DENND2B: variants seen among roughly 807,000 people sequenced by gnomAD.
DENND2B encodes DENN domain-containing protein 2B.
In DENND2B, 32 loss-of-function variants were observed where a neutral mutation model predicts 116.0. The ratio of observed to expected loss-of-function variants is 0.28; its 90% CI spans 0.21 to 0.37. The LOEUF (loss-of-function observed/expected upper bound fraction) is 0.37, where lower values mean the gene tolerates loss of function less well. Ranked by LOEUF, DENND2B falls within the 10% of genes least tolerant of loss-of-function variation. The pLI is 1.00. For synonymous variants in DENND2B, 588 were observed against 583.9 expected (o/e 1.01, Z -0.10); for missense variants, 1,276 against 1,477.7 (o/e 0.86, Z 2.24).
upstream of DENND2B, chr11:8,811,246 C>T (rs982054062): frequency 5.0e-6 from 2 of 398,526 alleles, no homozygotes; most frequent in Non-Finnish European, 8.8e-6. Context: ...TCTCTGCTTA[C>T]CTTGCTGCCT....
chr11:8,729,142 G>T (rs1346758329), intron 3 of DENND2B, among the ~76,000 whole-genome samples: 3 of 152,186 alleles, frequency 2.0e-5, no homozygotes, highest in African/African-American at 7.2e-5. Flanking sequence ...AAACAAACCT[G>T]AATACCCATC....
At chr11:8,750,392 T>G (rs1455868732) in intron 2 of DENND2B, among the ~76,000 whole-genome samples, 1 of 152,242 alleles carries the variant, frequency 6.6e-6, no homozygotes, top group Non-Finnish European at 1.5e-5. Context: ...GGCCCCATCC[T>G]TAGAATGCTA....
chr11:8,787,754 T>A (rs1381730907), intron 1 of DENND2B, among the ~76,000 whole-genome samples: 1 of 152,248 alleles, frequency 6.6e-6, no homozygotes, highest in Non-Finnish European at 1.5e-5. Context: ...TCCCTTTTAA[T>A]CTCATCTCCT....
intron 3 of DENND2B, among the ~76,000 whole-genome samples, chr11:8,726,511 A>G (rs2047107003): frequency 6.6e-6 from 1 of 152,206 alleles, no homozygotes; most frequent in Non-Finnish European, 1.5e-5. Context: ...GTGTTATCTC[A>G]TTAATCTTCA....
In DENND2B at chr11:8,717,848, T is replaced by G. The variant is rs142517022; in HGVS notation, c.1522A>C (p.Ser508Arg). Residue 508 changes from serine (S) to arginine (R), a missense_variant, in exon 5 of 20, where the codon AGC becomes CGC. Around this residue, in one of 2 missense-constraint regions of DENND2B, gnomAD observed 856 missense variants for 846.6 expected, o/e 1.01. Coordinates refer to ENST00000313726, the MANE Select transcript of DENND2B (RefSeq NM_213618.2). ...ENPYEDVDLK[S>R]RRAGRKSQQL... ...TGGGATTTTCGTCCTGCTCTTCGGC[T>G]CTTTAAGTCCACATCCTCATATGGA... 1.4e-5 allele frequency: 23 copies of G among 1,613,098 alleles called. No individual in the cohort carries two copies. Among genetic ancestry groups the G allele is most frequent in the Non-Finnish European group, 1.8e-5 (21 of 1,179,510 alleles).
intron 2 of DENND2B, among the ~76,000 whole-genome samples, chr11:8,879,693 G>A (rs1203373813): frequency 6.6e-6 from 1 of 151,886 alleles, no homozygotes; most frequent in African/African-American, 2.4e-5. Context: ...AATCACCCGA[G>A]AAGCTTTTCA....
chr11:8,887,262 T>G (rs1446705364), intron 1 of DENND2B, among the ~76,000 whole-genome samples: 1 of 152,228 alleles, frequency 6.6e-6, no homozygotes, highest in East Asian at 1.9e-4. Flanking sequence ...TCTTCATTTT[T>G]TTCTAACTTC....
At chr11:8,859,116 G>C (rs986560841) in intron 2 of DENND2B, among the ~76,000 whole-genome samples, 2 of 152,024 alleles carry the variant, frequency 1.3e-5, no homozygotes, top group Non-Finnish European at 2.9e-5. Flanking sequence ...CCTTGTCTGG[G>C]GCTCCAAACC....
intron 3 of DENND2B, among the ~76,000 whole-genome samples, chr11:8,846,916 G>A (rs910736078): frequency 1.1e-4 from 16 of 152,226 alleles, no homozygotes; most frequent in African/African-American, 3.9e-4. Flanking sequence ...CTGTCCCACA[G>A]GGTGACCCCT....
chr11:8,718,138 G>T, intron 4 of DENND2B: 2 of 58,116 alleles, frequency 3.4e-5, no homozygotes, highest in South Asian at 4.3e-4. Flanking sequence ...GCCCAGCTCA[G>T]CCTGGCCTCT....
chr11:8,725,784 T>C (rs950223019), intron 4 of DENND2B, among the ~76,000 whole-genome samples: 10 of 152,352 alleles, frequency 6.6e-5, no homozygotes, highest in African/African-American at 1.9e-4. Context: ...AGAGGGCCTG[T>C]TGGACTTCAA....
intron 1 of DENND2B, among the ~76,000 whole-genome samples, chr11:8,754,029 G>GCGCGCACACACACACACACACACACA (rs146486674): frequency 3.6e-5 from 5 of 138,830 alleles, no homozygotes; most frequent in African/African-American, 5.5e-5. Flanking sequence ...CCAAAAGCGC[G>GCGCGCACACACACACACACACACACA]CACACACACA....
At chr11:8,804,479 C>A (rs1263903374) in intron 1 of DENND2B, among the ~76,000 whole-genome samples, 1 of 151,744 alleles carries the variant, frequency 6.6e-6, no homozygotes, top group Non-Finnish European at 1.5e-5. Context: ...CAGGACTGCA[C>A]AGACCCCAGA....
Position 8,707,202 on chromosome 11 carries a change from C to G in DENND2B, c.2454G>C (p.Arg818=). ...FSKVLDEVER[R]RGISAALVYP... is the part of the protein sequence containing the mutation. ...AGACCAATGCAGCGGAGATCCCACG[C>G]CGGCGCTCCACCTCATCTAGGACCT... is the stretch of plus-strand genomic sequence containing the variant. Residue 818 remains arginine (R), a synonymous_variant, in exon 13 of 20, where the codon CGG becomes CGC. Transcript: ENST00000313726. This position sits in a 1 kb window ranked among gnomAD's most constrained non-coding sequence, Gnocchi z 4.8. 1 of 1,613,006 alleles carries G rather than the reference C, an allele frequency of 6.2e-7. No individual in the cohort carries two copies. The highest frequency in any genetic ancestry group is 1.7e-4 in the Middle Eastern group (1 of 6,056).
chr11:8,711,771 G>T, intron 9 of DENND2B: 1 of 276,962 alleles, frequency 3.6e-6, no homozygotes, highest in Non-Finnish European at 7.4e-6. Flanking sequence ...GGAGGCTGAG[G>T]CAGGAGAATC....
At chr11:8,800,482 AG>A (rs2060220047) in intron 1 of DENND2B, among the ~76,000 whole-genome samples, 1 of 152,194 alleles carries the variant, frequency 6.6e-6, no homozygotes, top group Non-Finnish European at 1.5e-5. Context: ...AGCCTGCAGA[AG>A]TAAAAAAGCT....
intron 2 of DENND2B, among the ~76,000 whole-genome samples, chr11:8,748,222 T>C (rs2051654882): frequency 6.6e-6 from 1 of 152,132 alleles, no homozygotes; most frequent in Non-Finnish European, 1.5e-5. Context: ...CTTGGATTCA[T>C]GTGCTGGCAA....
intron 1 of DENND2B, among the ~76,000 whole-genome samples, chr11:8,885,502 A>G (rs976145339): frequency 3.3e-5 from 5 of 152,182 alleles, no homozygotes; most frequent in Non-Finnish European, 5.9e-5. Context: ...AAATTAATAC[A>G]TTTGCCACCA....
At chr11:8,906,803 A>G (rs2064244599) in intron 1 of DENND2B, among the ~76,000 whole-genome samples, 1 of 152,222 alleles carries the variant, frequency 6.6e-6, no homozygotes, top group Non-Finnish European at 1.5e-5. Flanking sequence ...TGAATGATCT[A>G]ATGACTCAGT....
Sources: allele counts gnomAD v4.1 joint callset (sites outside exome capture counted in the v4.1 genomes callset), GRCh38; gene constraint gnomAD v4.1.1; regional missense constraint gnomAD v4.1.1; non-coding constraint Gnocchi (gnomAD v3.1); transcripts MANE v1.5; gene names NCBI Gene and HGNC (gene_info 2026-07-23, HGNC 2026-07-21).